The following CALCRL variants were observed in gnomAD, a reference collection of about 807,000 sequenced individuals.
CALCRL encodes calcitonin gene-related peptide type 1 receptor.
Under a neutral mutation model 60.4 loss-of-function variants are expected in CALCRL, and 27 were observed. The ratio of observed to expected loss-of-function variants is 0.45; its 90% CI spans 0.33 to 0.62. The LOEUF (loss-of-function observed/expected upper bound fraction) is 0.62, where lower values mean the gene tolerates loss of function less well. Ranked by LOEUF, CALCRL falls within the 20% of genes least tolerant of loss-of-function variation. The probability of loss-of-function intolerance (pLI) is 0.03; values close to 1 mark genes in which losing one functional copy is unlikely to be tolerated. For missense variants in CALCRL, 424 were observed against 540.7 expected, an observed-to-expected ratio of 0.78 and a Z score of 2.14; for synonymous variants, 190 against 182.6, an observed-to-expected ratio of 1.04 and a Z score of -0.33.
intron 1 of CALCRL, among the ~76,000 whole-genome samples, chr2:187,433,001 C>G (rs577256578): frequency 2.2e-4 from 33 of 152,126 alleles, no homozygotes; most frequent in African/African-American, 7.2e-4. Flanking sequence ...TGTAAGTACC[C>G]TCTGTAATGT....
chr2:187,381,555 A>C (rs549433771), intron 5 of CALCRL, among the ~76,000 whole-genome samples: 9 of 152,028 alleles, frequency 5.9e-5, no homozygotes, highest in South Asian at 4.2e-4. Context: ...TCCCAGGTTC[A>C]AGTGATTCTC....
At chr2:187,356,891 CAT>C (rs1686817480) in intron 12 of CALCRL, among the ~76,000 whole-genome samples, 1 of 152,060 alleles carries the variant, frequency 6.6e-6, no homozygotes, top group Non-Finnish European at 1.5e-5. Context: ...AGCCAACAAA[CAT>C]ATGAAAAAAA....
chr2:187,440,966 GCTCATAT>G, intron 1 of CALCRL, among the ~76,000 whole-genome samples: 1 of 151,932 alleles, frequency 6.6e-6, no homozygotes, highest in Non-Finnish European at 1.5e-5. Context: ...CTTAATATTT[GCTCATAT>G]CTCATTTGAA....
chr2:187,418,066 A>G (rs1294847725), intron 1 of CALCRL, among the ~76,000 whole-genome samples: 2 of 152,176 alleles, frequency 1.3e-5, no homozygotes, highest in African/African-American at 2.4e-5. Flanking sequence ...GTTTGAGGTT[A>G]AATGTAAAAA....
chr2:187,410,458 G>T (rs746013154), intron 1 of CALCRL, among the ~76,000 whole-genome samples: 16 of 152,182 alleles, frequency 1.1e-4, no homozygotes, highest in Non-Finnish European at 2.1e-4. Flanking sequence ...GCTTATAGGT[G>T]TGGAAATATG....
intron 8 of CALCRL, among the ~76,000 whole-genome samples, chr2:187,365,192 A>G (rs1438894205): frequency 1.3e-5 from 2 of 152,322 alleles, no homozygotes; most frequent in East Asian, 3.9e-4. Flanking sequence ...CTTTCTGTTC[A>G]TTGAGCATGA....
At chr2:187,421,626 C>T (rs773577265) in intron 1 of CALCRL, among the ~76,000 whole-genome samples, 3 of 152,218 alleles carry the variant, frequency 2.0e-5, no homozygotes, top group Non-Finnish European at 4.4e-5. Flanking sequence ...CTGCCAGAGT[C>T]CTGCTACATT....
chr2:187,438,472 G>C (rs1228759081), intron 1 of CALCRL, among the ~76,000 whole-genome samples: 1 of 151,726 alleles, frequency 6.6e-6, no homozygotes, highest in African/African-American at 2.4e-5. Flanking sequence ...CAATTAAACA[G>C]AATTTGTATT....
chr2:187,427,344 A>G (rs1690189323), intron 1 of CALCRL, among the ~76,000 whole-genome samples: 1 of 152,164 alleles, frequency 6.6e-6, no homozygotes, highest in African/African-American at 2.4e-5. Context: ...GGAAAAGTGT[A>G]ACACAAAGTA....
intron 14 of CALCRL, among the ~76,000 whole-genome samples, chr2:187,348,680 G>T (rs990311833): frequency 3.3e-5 from 5 of 151,608 alleles, no homozygotes; most frequent in Non-Finnish European, 7.4e-5. Flanking sequence ...GAACTGTGAG[G>T]TCTTACTATA....
chr2:187,430,760 A>G (rs1480452834), intron 1 of CALCRL, among the ~76,000 whole-genome samples: 1 of 152,150 alleles, frequency 6.6e-6, no homozygotes, highest in Non-Finnish European at 1.5e-5. Context: ...AAAAAGTTTT[A>G]CATCCATTCA....
At chr2:187,436,305 A>T (rs1690642324) in intron 1 of CALCRL, among the ~76,000 whole-genome samples, 1 of 152,026 alleles carries the variant, frequency 6.6e-6, no homozygotes, top group South Asian at 2.1e-4. Context: ...GCCATCCCAG[A>T]CTCATTTGGT....
At chr2:187,405,402 C>A (rs557028604) in intron 1 of CALCRL, among the ~76,000 whole-genome samples, 1 of 151,880 alleles carries the variant, frequency 6.6e-6, no homozygotes, top group Non-Finnish European at 1.5e-5. Context: ...GTTTTCTCAC[C>A]AATACTAATT....
At chr2:187,389,804 C>T (rs1177725409) in intron 1 of CALCRL, among the ~76,000 whole-genome samples, 5 of 152,014 alleles carry the variant, frequency 3.3e-5, no homozygotes, top group African/African-American at 1.2e-4. Flanking sequence ...ATAGTTTGAT[C>T]TTCCTTTGAT....
At chr2:187,410,583 G>A (rs1379430166) in intron 1 of CALCRL, among the ~76,000 whole-genome samples, 7 of 152,220 alleles carry the variant, frequency 4.6e-5, no homozygotes, top group Admixed American at 3.3e-4. Flanking sequence ...AGGTTTGAAA[G>A]CCTGTTTTAG....
intron 1 of CALCRL, among the ~76,000 whole-genome samples, chr2:187,431,103 TG>T: frequency 6.6e-6 from 1 of 152,282 alleles, no homozygotes; most frequent in South Asian, 2.1e-4. Context: ...GTTTGACAGA[TG>T]TCCATAATTC....
chr2:187,362,990 T>C lies in CALCRL; in HGVS notation c.627+386A>G, dbSNP rs115371871. On this transcript the variant is annotated intron_variant, in intron 9 of 14. Transcript: ENST00000392370. ...CATTGCTTTGAGTTTTTCATTTGGA[T>C]TGAATAAATATTATGTAGTGATAAA... is the stretch of plus-strand genomic sequence containing the variant. Among the ~76,000 whole-genome samples the C allele has an allele frequency of 2.9e-3, 436 of 152,256 alleles. 2 individuals are homozygous for C. Among genetic ancestry groups the C allele is most frequent in the African/African-American group, 0.01 (422 of 41,562 alleles).
At chr2:187,377,130 A>G (rs1687790050) in intron 8 of CALCRL, among the ~76,000 whole-genome samples, 1 of 152,160 alleles carries the variant, frequency 6.6e-6, no homozygotes, top group African/African-American at 2.4e-5. Flanking sequence ...TTTTATATTA[A>G]TTACAATGGA....
chr2:187,371,240 T>TAA (rs1174750638), intron 8 of CALCRL, among the ~76,000 whole-genome samples: 238 of 137,048 alleles, frequency 1.7e-3, no homozygotes, highest in African/African-American at 5.8e-3. Context: ...AGACTCCGTC[T>TAA]AAAAAAAAAA....
Sources: gnomAD v4.1 joint callset for allele counts (sites outside exome capture counted in the v4.1 genomes callset) on GRCh38, gnomAD v4.1.1 for gene constraint, MANE v1.5 for transcripts, NCBI Gene and HGNC (gene_info 2026-07-23, HGNC 2026-07-21) for gene names.